Variants in ABLIM3 observed in about 807,000 individuals in gnomAD.
The protein encoded by ABLIM3 is actin-binding LIM protein 3.
ABLIM3 carries 61 observed loss-of-function variants against 109.5 expected under a neutral mutation model. The observed-to-expected ratio is 0.56, with a 90% CI of 0.45 to 0.69. ABLIM3 has a LOEUF of 0.69. Among genes scored for constraint, ABLIM3 ranks in the 30% least tolerant of loss-of-function variants. The pLI is 0.00. For missense variants in ABLIM3, 796 were observed against 889.5 expected (o/e 0.89, Z 1.34); for synonymous variants, 300 against 324.8 (o/e 0.92, Z 0.82).
chr5:149,172,374 C>A (rs994675604), intron 2 of ABLIM3, among the ~76,000 whole-genome samples: 6 of 152,282 alleles, frequency 3.9e-5, no homozygotes, highest in African/African-American at 9.6e-5. Context: ...TTAATTTCCT[C>A]CAGTGGGTCA....
chr5:149,142,220 C>A, intron 2 of ABLIM3, 112 bp downstream of exon 2: 1 of 1,480,426 alleles, frequency 6.8e-7, no homozygotes, highest in Non-Finnish European at 9.4e-7. Context: ...TCTCTGGACA[C>A]ATGACCCCCA....
intron 14 of ABLIM3, 55 bp from the exon 15 acceptor site, chr5:149,242,436 T>C (rs1752945709): frequency 8.3e-6 from 13 of 1,569,976 alleles, no homozygotes; most frequent in Non-Finnish European, 1.1e-5. Flanking sequence ...TTTCTCCCTT[T>C]TCTCCTGTCT....
At chr5:149,150,716 AT>A (rs1453874701) in intron 2 of ABLIM3, among the ~76,000 whole-genome samples, 1 of 152,260 alleles carries the variant, frequency 6.6e-6, no homozygotes, top group Non-Finnish European at 1.5e-5. Flanking sequence ...AACCAGAAGT[AT>A]CTGAACACCT....
chr5:149,251,420 G>T lies in ABLIM3; in HGVS notation c.1849+1G>T. On this transcript the variant is annotated splice_donor_variant, in intron 21 of 23. Coordinates refer to ENST00000309868, the MANE Select transcript of ABLIM3 (RefSeq NM_014945.5). LOFTEE classifies it high-confidence loss of function. ...AACGCAGTCAACTGGGGCATGCGAG[G>T]TGAGTGCAGGCCTGCAGGGGGTCTG... The T allele has an allele frequency of 6.2e-7, 1 of 1,614,102 alleles. No homozygotes were observed. Among genetic ancestry groups the T allele is most frequent in the South Asian group, 1.1e-5 (1 of 91,020 alleles).
chr5:149,252,272 C>G, intron 22 of ABLIM3, 64 bp downstream of exon 22: 1 of 1,581,558 alleles, frequency 6.3e-7, no homozygotes, highest in Non-Finnish European at 8.6e-7. Flanking sequence ...CTGGGGATCA[C>G]CAGGAGGATG....
intron 2 of ABLIM3, among the ~76,000 whole-genome samples, chr5:149,170,624 C>T (rs545142281): frequency 6.6e-6 from 1 of 152,272 alleles, no homozygotes; most frequent in East Asian, 1.9e-4. Context: ...GGGTGAAAAA[C>T]GCTGTTTGCA....
Position 149,213,140 on chromosome 5 carries a change from A to C in ABLIM3, c.669+2321A>C, listed in dbSNP as rs140720106. ...GCAAGAAAAATGAGAAAAGAAAAGA[A>C]ATATGGATCAGAGCTCAGGAACAAA... is the stretch of plus-strand genomic sequence containing the variant. On this transcript the variant is annotated intron_variant, in intron 7 of 23. Coordinates refer to ENST00000309868, the MANE Select transcript of ABLIM3 (RefSeq NM_014945.5). 5.5e-3 allele frequency among the ~76,000 whole-genome samples: 832 copies of C among 152,260 alleles called. 12 individuals carry two copies. Among genetic ancestry groups the C allele is most frequent in the African/African-American group, 0.019 (798 of 41,552 alleles).
Position 149,239,805 on chromosome 5 carries a change from C to G in ABLIM3, c.1121C>G (p.Pro374Arg). The change falls in exon 13 of 24, where the codon CCG becomes CGG. Residue 374 changes from proline (P) to arginine (R), a missense_variant. Transcript: ENST00000309868. ...LDLRQRRASSPGYIDSPTYSR... is the reference protein window; with the variant it reads ...LDLRQRRASSRGYIDSPTYSR... ...CTCCGGCAGAGACGGGCCTCCAGCC[C>G]GGGGTACATAGACTCCCCCACCTAC... is the stretch of plus-strand genomic sequence containing the variant. 6.2e-7 allele frequency: 1 copy of G among 1,609,402 alleles called. No homozygotes were observed.
chr5:149,188,217 A>G (rs1757156379), intron 3 of ABLIM3, among the ~76,000 whole-genome samples: 1 of 152,208 alleles, frequency 6.6e-6, no homozygotes, highest in Non-Finnish European at 1.5e-5. Context: ...AAAAAGGAAG[A>G]AGTACAACTA....
Position 149,246,275 on chromosome 5 carries a change from C to A in ABLIM3, c.1487-207C>A, listed in dbSNP as rs140107869. ...TATAACCAAGTGGGCAGTGATCCAT[C>A]CCCACAGGAGAGGAGTGTTCAGAGA... is the stretch of plus-strand genomic sequence containing the variant. On this transcript the variant is annotated intron_variant, in intron 16 of 23. Transcript: ENST00000309868. Among the ~76,000 whole-genome samples, 254 of 152,230 alleles carry A rather than the reference C, an allele frequency of 1.7e-3. 2 individuals carry two copies. The highest frequency in any genetic ancestry group is 5.8e-3 in the African/African-American group (239 of 41,534).
intron 23 of ABLIM3, among the ~76,000 whole-genome samples, chr5:149,253,529 G>A (rs994651078): frequency 6.6e-5 from 10 of 152,174 alleles, no homozygotes; most frequent in Non-Finnish European, 1.5e-4. Flanking sequence ...AGTATGAAGT[G>A]CCCAATGAAC....
At chr5:149,164,780 T>C (rs1354933396) in intron 2 of ABLIM3, among the ~76,000 whole-genome samples, 1 of 152,186 alleles carries the variant, frequency 6.6e-6, no homozygotes, top group Non-Finnish European at 1.5e-5. Flanking sequence ...GCATATGAGA[T>C]AGGCCTTGAG....
At chr5:149,189,215 T>C (rs1315277845) in intron 3 of ABLIM3, among the ~76,000 whole-genome samples, 1 of 152,140 alleles carries the variant, frequency 6.6e-6, no homozygotes, top group African/African-American at 2.4e-5. Context: ...TAAAAATTGA[T>C]TGAAGACCTA....
At chr5:149,209,460 T>C (rs2918283) in intron 6 of ABLIM3, among the ~76,000 whole-genome samples, 66,923 of 152,114 alleles carry the variant, frequency 0.44, 15,325 homozygotes, top group East Asian at 0.65. Flanking sequence ...ATGATCTACC[T>C]GTAGGGTTGT....
chr5:149,221,676 G>T (rs1760665855), intron 8 of ABLIM3, among the ~76,000 whole-genome samples: 1 of 152,172 alleles, frequency 6.6e-6, no homozygotes, highest in Non-Finnish European at 1.5e-5. Context: ...GGCTTCACCA[G>T]GAAATTAGGT....
chr5:149,245,726 G>T (rs1315597108), intron 16 of ABLIM3, among the ~76,000 whole-genome samples: 1 of 152,138 alleles, frequency 6.6e-6, no homozygotes, highest in Non-Finnish European at 1.5e-5. Context: ...GTGGTCCTCA[G>T]ATACCACCTC....
In ABLIM3 at chr5:149,258,998, C is replaced by T; in HGVS notation, c.*594C>T. 1 of 996,952 alleles carries T rather than the reference C, an allele frequency of 1.0e-6. No homozygotes were observed. The highest frequency in any genetic ancestry group is 1.1e-4 in the East Asian group (1 of 9,230). The allele number at this position is 996,952 out of a possible 1,614,324, so 61.8% of individuals were successfully genotyped here. A position where few individuals can be genotyped will look rare whatever the true frequency, so the allele number is the denominator to read the frequency against. ...ACAGAAGTGGACAGGGCCTAGGCCT[C>T]TCCTCAGCTCCTTAACCCTCCTCCT... On this transcript the variant is annotated 3_prime_UTR_variant, in exon 24 of 24. Transcript: ENST00000309868.
intron 7 of ABLIM3, among the ~76,000 whole-genome samples, chr5:149,212,428 T>C (rs1310647278): frequency 1.3e-5 from 2 of 152,062 alleles, no homozygotes; most frequent in Non-Finnish European, 1.5e-5. Context: ...ACGTCCTGGT[T>C]AGAGCTGGGC....
intron 9 of ABLIM3, among the ~76,000 whole-genome samples, chr5:149,232,582 C>G (rs980952352): frequency 6.6e-6 from 1 of 152,210 alleles, no homozygotes; most frequent in African/African-American, 2.4e-5. Flanking sequence ...TCCTGAAGCT[C>G]AGCCTCTTCA....
Sources: allele counts gnomAD v4.1 joint callset (sites outside exome capture counted in the v4.1 genomes callset), GRCh38; gene constraint gnomAD v4.1.1; transcripts MANE v1.5; gene names NCBI Gene and HGNC (gene_info 2026-07-23, HGNC 2026-07-21).